NRG3: variants seen among roughly 807,000 people sequenced by gnomAD.
NRG3 encodes pro-neuregulin-3, membrane-bound isoform.
NRG3 carries 31 observed loss-of-function variants against 66.9 expected under a neutral mutation model. The observed-to-expected ratio is 0.46, with a 90% CI of 0.35 to 0.63. The LOEUF is 0.63. Ranked by LOEUF, NRG3 falls within the 20% of genes least tolerant of loss-of-function variation. The pLI is 0.00. For synonymous variants in NRG3, 393 were observed against 359.4 expected (o/e 1.09, Z -1.06); for missense variants, 910 against 878.9 (o/e 1.04, Z -0.45).
intron 2 of NRG3, among the ~76,000 whole-genome samples, chr10:82,400,649 C>G (rs893561243): frequency 6.6e-6 from 1 of 150,960 alleles, no homozygotes; most frequent in Non-Finnish European, 1.5e-5. Context: ...TTCACTGCAA[C>G]CTCAAACTCC....
chr10:82,733,633 G>A (rs2058024956), intron 2 of NRG3, among the ~76,000 whole-genome samples: 1 of 152,196 alleles, frequency 6.6e-6, no homozygotes, highest in Non-Finnish European at 1.5e-5. Context: ...TCATCAATGA[G>A]TAAATGACCA....
At chr10:82,193,284 A>C (rs2133376014) in intron 1 of NRG3, among the ~76,000 whole-genome samples, 1 of 152,244 alleles carries the variant, frequency 6.6e-6, no homozygotes, top group East Asian at 1.9e-4. Context: ...TTGGGATTAC[A>C]GGTGTGTGCC....
In NRG3 at chr10:81,875,553, T is replaced by A; in HGVS notation, c.213T>A (p.Pro71=). ...NRQQTWLCVV[P]LFIGFIGLGL... is the part of the protein sequence containing the mutation. The stretch of plus-strand genomic sequence containing the variant: ...AGCAGACGTGGCTGTGCGTGGTACC[T>A]CTGTTCATCGGCTTCATCGGCCTGG... The change falls in exon 1 of 9, where the codon CCT becomes CCA. Residue 71 remains proline, a synonymous_variant. Transcript: ENST00000372141. The surrounding 1 kb of genome is among the most constrained non-coding windows in gnomAD (Gnocchi z 5.3). The A allele has an allele frequency of 1.2e-6, 2 of 1,613,192 alleles. No homozygotes were observed. Among genetic ancestry groups the A allele is most frequent in the Non-Finnish European group, 1.7e-6 (2 of 1,179,882 alleles).
rs185567104 is a variant in NRG3, at chr10:82,112,749, A to G, written c.823+236586A>G. Among the ~76,000 whole-genome samples the G allele has an allele frequency of 5.9e-5, 9 of 152,294 alleles. No individual in the cohort carries two copies. In the East Asian group the frequency reaches 1.7e-3, roughly 30 times the overall value. On this transcript the variant is annotated intron_variant, in intron 1 of 8. Coordinates refer to ENST00000372141, the MANE Select transcript of NRG3 (RefSeq NM_001010848.4). The stretch of plus-strand genomic sequence containing the variant: ...CAAATGATCTTGTTGAAGAAGCTCC[A>G]TAATGTCACCAACTGTAACCATAGT...
chr10:82,104,765 G>A (rs775481119), intron 1 of NRG3, among the ~76,000 whole-genome samples: 1 of 152,086 alleles, frequency 6.6e-6, no homozygotes, highest in African/African-American at 2.4e-5. Flanking sequence ...TAATATACCT[G>A]TCTGTATTTA....
At chr10:82,354,179 C>T (rs537717224) in intron 1 of NRG3, among the ~76,000 whole-genome samples, 1 of 150,526 alleles carries the variant, frequency 6.6e-6, no homozygotes, top group East Asian at 2.0e-4. Context: ...GGGTCACAGG[C>T]GTGCGCCACC....
intron 1 of NRG3, among the ~76,000 whole-genome samples, chr10:81,991,276 G>A (rs967453893): frequency 1.3e-5 from 2 of 151,598 alleles, no homozygotes; most frequent in Admixed American, 6.6e-5. Context: ...ATCCTTTTTT[G>A]TTCAGAAAAT....
intron 4 of NRG3, among the ~76,000 whole-genome samples, chr10:82,918,768 G>T (rs1216233655): frequency 6.6e-6 from 1 of 152,168 alleles, no homozygotes; most frequent in Non-Finnish European, 1.5e-5. Context: ...CATGATTACA[G>T]TAGTTTGATC....
At chr10:82,863,687 C>T (rs779012941) in intron 3 of NRG3, among the ~76,000 whole-genome samples, 1 of 152,112 alleles carries the variant, frequency 6.6e-6, no homozygotes, top group Non-Finnish European at 1.5e-5. Flanking sequence ...ATCCTTTGCC[C>T]ACTCTTTGAT....
chr10:82,772,015 C>A (rs79943139), intron 3 of NRG3, among the ~76,000 whole-genome samples: 274 of 152,216 alleles, frequency 1.8e-3, no homozygotes, highest in Non-Finnish European at 3.4e-3. Flanking sequence ...TAAACTCTAC[C>A]ATCCTTCCAC....
intron 2 of NRG3, among the ~76,000 whole-genome samples, chr10:82,360,322 A>G (rs1201199207): frequency 2.0e-5 from 3 of 152,372 alleles, no homozygotes; most frequent in African/African-American, 7.2e-5. Flanking sequence ...CGTGATGTGC[A>G]TGCAAGCTCT....
intron 3 of NRG3, among the ~76,000 whole-genome samples, chr10:82,860,788 T>G (rs2064083965): frequency 6.6e-6 from 1 of 152,224 alleles, no homozygotes; most frequent in African/African-American, 2.4e-5. Context: ...TTGCTTAAAC[T>G]ATGTGCCTCT....
intron 4 of NRG3, among the ~76,000 whole-genome samples, chr10:82,921,387 G>A (rs575735579): frequency 3.9e-5 from 6 of 152,244 alleles, no homozygotes; most frequent in Admixed American, 3.3e-4. Context: ...CCAGATGAGG[G>A]ATTTGAATAG....
At position 82,810,755 on chromosome 10, in the gene NRG3, AAAG is replaced by A. The variant is rs981286752; in HGVS notation, c.1028-54649_1028-54647del. Among the ~76,000 whole-genome samples, 6 of 151,464 alleles carry A rather than the reference AAAG, an allele frequency of 4.0e-5. No homozygotes were observed. In the East Asian group the frequency reaches 5.8e-4, roughly 15 times the overall value. On this transcript the variant is annotated intron_variant, in intron 3 of 8. Coordinates refer to ENST00000372141, the MANE Select transcript of NRG3 (RefSeq NM_001010848.4). ...TCCAGCCTAAAAAAAAAAAAAAAAA[AAAG>A]AAGAAGCGACTGCAATAGTCCAAGC...
intron 1 of NRG3, among the ~76,000 whole-genome samples, chr10:82,027,395 C>T (rs1395275643): frequency 6.6e-6 from 1 of 151,848 alleles, no homozygotes; most frequent in African/African-American, 2.4e-5. Context: ...TACTTTAGAC[C>T]CTTATGTTAT....
intron 4 of NRG3, among the ~76,000 whole-genome samples, chr10:82,919,096 T>TGTGC (rs1554841819): frequency 1.7e-4 from 21 of 127,228 alleles, no homozygotes; most frequent in African/African-American, 6.9e-4. Context: ...TGTGTGTGTG[T>TGTGC]GTGTATGTGT....
At chr10:82,384,308 G>T (rs532433513) in intron 2 of NRG3, among the ~76,000 whole-genome samples, 24 of 151,920 alleles carry the variant, frequency 1.6e-4, no homozygotes, top group East Asian at 1.2e-3. Flanking sequence ...AGAGGTACAT[G>T]TGCAGGATGT....
At chr10:82,127,996 A>T in intron 1 of NRG3, among the ~76,000 whole-genome samples, 1 of 152,006 alleles carries the variant, frequency 6.6e-6, no homozygotes, top group East Asian at 1.9e-4. Context: ...TAAGGTACTG[A>T]AAATTTACAA....
intron 1 of NRG3, among the ~76,000 whole-genome samples, chr10:81,898,697 G>T (rs1843744894): frequency 6.6e-6 from 1 of 150,596 alleles, no homozygotes. Context: ...CGTGTTTGAA[G>T]AGTTTTTTTT....
Sources: allele counts gnomAD v4.1 joint callset (sites outside exome capture counted in the v4.1 genomes callset), GRCh38; gene constraint gnomAD v4.1.1; non-coding constraint Gnocchi (gnomAD v3.1); transcripts MANE v1.5; gene names NCBI Gene and HGNC (gene_info 2026-07-23, HGNC 2026-07-21).